Variants in UACA observed in about 807,000 individuals in gnomAD.
The protein encoded by UACA is uveal autoantigen with coiled-coil domains and ankyrin repeats.
A neutral mutation model predicts 160.5 loss-of-function variants in UACA; 112 were observed. The observed-to-expected ratio is 0.70, with a 90% CI of 0.60 to 0.82. The LOEUF (loss-of-function observed/expected upper bound fraction) is 0.82. Ranked by LOEUF, UACA falls within the 40% of genes least tolerant of loss-of-function variation. UACA has a pLI of 0.00. For synonymous variants in UACA, 557 were observed against 568.4 expected, an observed-to-expected ratio of 0.98 and a Z score of 0.29; for missense variants, 1,574 against 1,614.6, an observed-to-expected ratio of 0.97 and a Z score of 0.43.
chr15:70,676,865 T>C (rs532204374), intron 12 of UACA, among the ~76,000 whole-genome samples: 5 of 152,336 alleles, frequency 3.3e-5, no homozygotes, highest in African/African-American at 1.2e-4. Context: ...TTTTATATTA[T>C]TTTCAGGACA....
At chr15:70,708,485 G>A (rs1898584677) in intron 1 of UACA, among the ~76,000 whole-genome samples, 2 of 147,228 alleles carry the variant, frequency 1.4e-5, no homozygotes, top group East Asian at 2.0e-4. Context: ...TTTTTGAGAC[G>A]GAGTTTGTTC....
At chr15:70,760,388 A>G (rs2030675233) in intron 1 of UACA, among the ~76,000 whole-genome samples, 1 of 152,248 alleles carries the variant, frequency 6.6e-6, no homozygotes, top group East Asian at 1.9e-4. Flanking sequence ...AGCAAATGCC[A>G]CCATAAAAAT....
chr15:70,670,851 AG>A (rs1595875534), intron 15 of UACA, among the ~76,000 whole-genome samples, 187 bp downstream of exon 15: 1 of 152,286 alleles, frequency 6.6e-6, no homozygotes, highest in East Asian at 1.9e-4. Context: ...AACACTCTAG[AG>A]GGCACCAGAA....
In UACA at chr15:70,655,750, A is replaced by G. The variant is rs1007697272; in HGVS notation, c.*1306T>C. 26 of 152,158 alleles carry G rather than the reference A, an allele frequency of 1.7e-4. No individual in the cohort carries two copies. Among genetic ancestry groups the G allele is most frequent in the African/African-American group, 6.0e-4 (25 of 41,452 alleles). The allele number at this position is 152,158 out of a possible 1,614,324, so 9.4% of individuals were successfully genotyped here. On this transcript the variant is annotated 3_prime_UTR_variant, in exon 19 of 19. Transcript: ENST00000322954. ...TTCTTTGGTATGAGAAGTCATTTTG[A>G]TGGTATTTTTACCCTATTAAACAAA...
chr15:70,666,522 G>A (rs1655454644), intron 16 of UACA, among the ~76,000 whole-genome samples: 1 of 152,186 alleles, frequency 6.6e-6, no homozygotes, highest in Admixed American at 6.5e-5. Flanking sequence ...GGCTAGAACA[G>A]CTAAAGAAAC....
At chr15:70,690,260 G>A (rs1163161598) in intron 5 of UACA, among the ~76,000 whole-genome samples, 194 bp downstream of exon 5, 3 of 151,922 alleles carry the variant, frequency 2.0e-5, no homozygotes, top group African/African-American at 7.3e-5. Flanking sequence ...CAAGCTGACT[G>A]GCCTGTAAAT....
intron 1 of UACA, among the ~76,000 whole-genome samples, chr15:70,755,393 G>C (rs1346940652): frequency 6.6e-6 from 1 of 151,950 alleles, no homozygotes; most frequent in South Asian, 2.1e-4. Flanking sequence ...AATGAGGCCG[G>C]GGGCAGTGGC....
chr15:70,760,785 G>A (rs538538461), intron 1 of UACA, among the ~76,000 whole-genome samples: 4 of 143,804 alleles, frequency 2.8e-5, no homozygotes, highest in African/African-American at 1.0e-4. Flanking sequence ...CCAGCCTGGC[G>A]ACCGAGCGAG....
intron 7 of UACA, among the ~76,000 whole-genome samples, chr15:70,685,971 C>T (rs1049074203): frequency 2.6e-5 from 4 of 152,054 alleles, no homozygotes; most frequent in Admixed American, 6.6e-5. Context: ...GATGTGGTTT[C>T]GCCATGTTGG....
chr15:70,775,034 G>A, the UACA span, among the ~76,000 whole-genome samples: 6 of 152,216 alleles, frequency 3.9e-5, no homozygotes, highest in African/African-American at 1.4e-4. Flanking sequence ...ATTCCAGCCT[G>A]GGTAAAAGAG....
intron 1 of UACA, among the ~76,000 whole-genome samples, chr15:70,727,346 T>C (rs202095834): frequency 1.3e-5 from 2 of 152,224 alleles, no homozygotes; most frequent in East Asian, 1.9e-4. Flanking sequence ...AACCACAATA[T>C]CCTATAACTT....
At chr15:70,769,127 G>A in the UACA span, among the ~76,000 whole-genome samples, 2 of 151,946 alleles carry the variant, frequency 1.3e-5, no homozygotes, top group African/African-American at 2.4e-5. Context: ...GGGAGGCCGA[G>A]GCGGGCAGGT....
At chr15:70,671,002 A>T (rs1897118600) in intron 15 of UACA, 37 bp downstream of exon 15, 1 of 1,430,888 alleles carries the variant, frequency 7.0e-7, no homozygotes, top group Non-Finnish European at 9.4e-7. Flanking sequence ...ATTTTCTTTA[A>T]ATGTTTTTTA....
Position 70,669,008 on chromosome 15 carries a change from TCTG to T in UACA, c.1673_1675del (p.Ala558del), listed in dbSNP as rs1312173141. On this transcript the variant is annotated inframe_deletion, in exon 16 of 19. Coordinates refer to ENST00000322954, the MANE Select transcript of UACA (RefSeq NM_018003.4). ...GATTTGGTTTCTTAATTTCCCCACTTCTGCTGAAGCACCTTCATATTTTACTTT... is the reference window on the plus strand; with the variant it reads ...GATTTGGTTTCTTAATTTCCCCACTTCTGAAGCACCTTCATATTTTACTTT... 1 of 1,613,808 alleles carries T rather than the reference TCTG, an allele frequency of 6.2e-7. No individual in the cohort carries two copies. The highest frequency in any genetic ancestry group is 1.3e-5 in the African/African-American group (1 of 74,940).
chr15:70,725,084 CT>C (rs1344969300), intron 1 of UACA, among the ~76,000 whole-genome samples: 2 of 150,034 alleles, frequency 1.3e-5, no homozygotes, highest in African/African-American at 4.9e-5. Flanking sequence ...ACAGCAAGAT[CT>C]CAAAAAAAAA....
rs1173498008 is a variant in UACA, at chr15:70,757,849, G to A, written c.78+5481C>T. On this transcript the variant is annotated intron_variant, in intron 1 of 18. Coordinates refer to ENST00000322954, the MANE Select transcript of UACA (RefSeq NM_018003.4). ...GGCTCCAGAGTCCTAATCTTTGACA[G>A]CCTCTTTACACTCCAGCATGACAAG... 2.0e-5 allele frequency among the ~76,000 whole-genome samples: 3 copies of A among 152,276 alleles called. No individual in the cohort carries two copies. The East Asian group carries it at 5.8e-4, about 29-fold the overall frequency.
At position 70,759,088 on chromosome 15, in the gene UACA, G is replaced by T. The variant is rs536127797; in HGVS notation, c.78+4242C>A. Among the ~76,000 whole-genome samples, 10 of 152,126 alleles carry T rather than the reference G, an allele frequency of 6.6e-5. No homozygotes were observed. The South Asian group carries it at 1.0e-3, about 16-fold the overall frequency. On this transcript the variant is annotated intron_variant, in intron 1 of 18. Transcript: ENST00000322954. ...TAGGATTTCACCACGTTGCCCAGGC[G>T]GGTCTCGAACTCCTGGGCTCAAGCA...
chr15:70,662,349 A>G (rs1566959974), intron 17 of UACA, among the ~76,000 whole-genome samples: 1 of 152,210 alleles, frequency 6.6e-6, no homozygotes, highest in Non-Finnish European at 1.5e-5. Context: ...CCACTGCTCA[A>G]TGAAATAAAA....
rs1236977978 is a variant in UACA at position 70,667,029 on chromosome 15, C to CT, written c.3654dup (p.Glu1219ArgfsTer3). 4.3e-6 allele frequency: 7 copies of CT among 1,613,404 alleles called. No individual in the cohort carries two copies. Among genetic ancestry groups the CT allele is most frequent in the Non-Finnish European group, 5.9e-6 (7 of 1,179,924 alleles). On this transcript the variant is annotated frameshift_variant, in exon 16 of 19. Coordinates refer to ENST00000322954, the MANE Select transcript of UACA (RefSeq NM_018003.4). LOFTEE classifies it high-confidence loss of function. Reference sequence around the variant, plus strand: ...GACAAGTCAACTACCTCTCTAGTCTCTAATTTTTTTAATGCTTGTTTAGTA... The same window carrying CT: ...GACAAGTCAACTACCTCTCTAGTCTCTTAATTTTTTTAATGCTTGTTTAGTA...
Sources: gnomAD v4.1 joint callset for allele counts (sites outside exome capture counted in the v4.1 genomes callset) on GRCh38, gnomAD v4.1.1 for gene constraint, MANE v1.5 for transcripts, NCBI Gene and HGNC (gene_info 2026-07-23, HGNC 2026-07-21) for gene names.